ARHGAP24: variants seen among roughly 807,000 people sequenced by gnomAD.
ARHGAP24 encodes Rho GTPase activating protein 24, also known as rho GTPase-activating protein 24.
ARHGAP24 carries 50 observed loss-of-function variants against 76.4 expected under a neutral mutation model. The ratio of observed to expected loss-of-function variants is 0.65; its 90% CI spans 0.52 to 0.83. ARHGAP24 has a LOEUF of 0.83. Among genes scored for constraint, ARHGAP24 ranks in the 40% least tolerant of loss-of-function variants. ARHGAP24 has a pLI of 0.00. For synonymous variants in ARHGAP24, 345 were observed against 323.3 expected, an observed-to-expected ratio of 1.07 and a Z score of -0.72; for missense variants, 930 against 914.2, an observed-to-expected ratio of 1.02 and a Z score of -0.22.
intron 3 of ARHGAP24, among the ~76,000 whole-genome samples, chr4:85,869,449 A>G (rs557570919): frequency 2.0e-5 from 3 of 152,116 alleles, no homozygotes; most frequent in Non-Finnish European, 4.4e-5. Context: ...GCATTGTTAC[A>G]AGATGATGCT....
At chr4:85,795,448 A>G (rs1344792010) in intron 3 of ARHGAP24, among the ~76,000 whole-genome samples, 1 of 152,068 alleles carries the variant, frequency 6.6e-6, no homozygotes, top group Non-Finnish European at 1.5e-5. Flanking sequence ...TATTGATCTG[A>G]CTTTAGTGGC....
intron 3 of ARHGAP24, among the ~76,000 whole-genome samples, chr4:85,747,934 T>C (rs1726112703): frequency 6.6e-6 from 1 of 152,212 alleles, no homozygotes; most frequent in African/African-American, 2.4e-5. Flanking sequence ...ACTTTAAAAA[T>C]AAGAGCGACA....
At chr4:85,837,103 G>A (rs925937750) in intron 3 of ARHGAP24, among the ~76,000 whole-genome samples, 6 of 152,238 alleles carry the variant, frequency 3.9e-5, no homozygotes, top group Non-Finnish European at 5.9e-5. Context: ...ATCTCTGAAA[G>A]TTTTAGGAGT....
chr4:85,752,440 G>T (rs898018840), intron 3 of ARHGAP24, among the ~76,000 whole-genome samples: 1 of 145,684 alleles, frequency 6.9e-6, no homozygotes, highest in African/African-American at 2.6e-5. Context: ...TTTGCTGAAT[G>T]CCTTTGTGGT....
chr4:85,830,484 T>C (rs1000620369), intron 3 of ARHGAP24, among the ~76,000 whole-genome samples: 1 of 152,212 alleles, frequency 6.6e-6, no homozygotes, highest in Non-Finnish European at 1.5e-5. Context: ...CATACCGACA[T>C]AGTTACACTT....
intron 1 of ARHGAP24, among the ~76,000 whole-genome samples, chr4:85,529,008 T>C (rs1725139096): frequency 6.6e-6 from 1 of 152,020 alleles, no homozygotes; most frequent in Admixed American, 6.6e-5. Flanking sequence ...CTGAGACAAA[T>C]ACGTAATATC....
At chr4:85,555,371 G>A (rs1460174474) in intron 1 of ARHGAP24, among the ~76,000 whole-genome samples, 2 of 152,298 alleles carry the variant, frequency 1.3e-5, no homozygotes, top group Non-Finnish European at 1.5e-5. Context: ...TTGTGGCTGA[G>A]TTCTTGTCCT....
At chr4:85,722,276 T>A in intron 3 of ARHGAP24, 1 of 321,964 alleles carries the variant, frequency 3.1e-6, no homozygotes, top group Non-Finnish European at 5.9e-6. Flanking sequence ...TTTACAGCGC[T>A]CTTGTGATGT....
At chr4:85,866,834 G>A in intron 3 of ARHGAP24, among the ~76,000 whole-genome samples, 2 of 152,094 alleles carry the variant, frequency 1.3e-5, no homozygotes, top group Non-Finnish European at 2.9e-5. Flanking sequence ...ACTATGGTTG[G>A]AGGGAAAGGG....
intron 2 of ARHGAP24, among the ~76,000 whole-genome samples, chr4:85,677,026 G>A (rs930374058): frequency 7.9e-5 from 12 of 152,158 alleles, no homozygotes; most frequent in Non-Finnish European, 1.3e-4. Context: ...CCCAACGGGG[G>A]CAGAGCAGAG....
chr4:85,742,724 T>C (rs764934891), intron 3 of ARHGAP24, among the ~76,000 whole-genome samples: 2 of 152,230 alleles, frequency 1.3e-5, no homozygotes, highest in Non-Finnish European at 2.9e-5. Context: ...ATTTAATGTT[T>C]ATGTATTCTC....
chr4:85,543,637 T>A (rs1725795519), intron 1 of ARHGAP24, among the ~76,000 whole-genome samples: 1 of 152,228 alleles, frequency 6.6e-6, no homozygotes, highest in African/African-American at 2.4e-5. Flanking sequence ...TATGATAGTG[T>A]TAATAATATG....
intron 1 of ARHGAP24, among the ~76,000 whole-genome samples, chr4:85,563,783 A>G (rs1450587747): frequency 6.6e-6 from 1 of 152,228 alleles, no homozygotes; most frequent in Non-Finnish European, 1.5e-5. Flanking sequence ...GTAGGATTCA[A>G]CTTTCACATT....
intron 2 of ARHGAP24, among the ~76,000 whole-genome samples, chr4:85,710,576 G>T (rs1374363503): frequency 3.3e-5 from 5 of 152,038 alleles, no homozygotes; most frequent in African/African-American, 1.2e-4. Flanking sequence ...TCTGACAAAG[G>T]TCCAACATCT....
chr4:85,586,785 C>T (rs892410212), intron 2 of ARHGAP24, among the ~76,000 whole-genome samples: 2 of 152,036 alleles, frequency 1.3e-5, no homozygotes, highest in Non-Finnish European at 2.9e-5. Context: ...GTAGTCCCAG[C>T]TACTTGAGAG....
At chr4:85,672,117 G>A (rs1006656202) in intron 2 of ARHGAP24, among the ~76,000 whole-genome samples, 1 of 152,126 alleles carries the variant, frequency 6.6e-6, no homozygotes, top group African/African-American at 2.4e-5. Flanking sequence ...AGTTTTATGT[G>A]TGTAAATGAA....
Position 85,541,006 on chromosome 4 carries a change from C to T in ARHGAP24, c.-20-29516C>T, listed in dbSNP as rs577851973. On this transcript the variant is annotated intron_variant, in intron 1 of 9. Coordinates refer to ENST00000395184, the MANE Select transcript of ARHGAP24 (RefSeq NM_001025616.3). ...ATATATTATAATAGATTTAGGTTCC[C>T]AAAACTGTAGGTTTCTTGCCTGTAA... Among the ~76,000 whole-genome samples, 114 of 122,436 alleles carry T rather than the reference C, an allele frequency of 9.3e-4. 1 individual carries two copies. The highest frequency in any genetic ancestry group is 6.4e-3 in the African/African-American group (107 of 16,758). The allele number at this position is 122,436 out of a possible 152,430, so 80.3% of individuals were successfully genotyped here.
At chr4:85,874,667 G>C (rs746639681) in intron 3 of ARHGAP24, among the ~76,000 whole-genome samples, 2 of 150,130 alleles carry the variant, frequency 1.3e-5, no homozygotes, top group Non-Finnish European at 3.0e-5. Flanking sequence ...TCATGCCTAA[G>C]AAACATGTAG....
intron 1 of ARHGAP24, among the ~76,000 whole-genome samples, chr4:85,531,948 C>G (rs2869359): frequency 6.6e-6 from 1 of 152,010 alleles, no homozygotes; most frequent in Non-Finnish European, 1.5e-5. Context: ...GTAGAGTCCT[C>G]AGACTTACAG....
Sources: gnomAD v4.1 joint callset for allele counts (sites outside exome capture counted in the v4.1 genomes callset) on GRCh38, gnomAD v4.1.1 for gene constraint, MANE v1.5 for transcripts, NCBI Gene and HGNC (gene_info 2026-07-23, HGNC 2026-07-21) for gene names.